The following FAM228B variants were observed in gnomAD, a reference collection of about 807,000 sequenced individuals.
FAM228B encodes the protein protein FAM228B.
A neutral mutation model predicts 42.6 loss-of-function variants in FAM228B; 38 were observed. That is an observed-to-expected ratio of 0.89 (90% CI 0.69 to 1.17). The LOEUF (loss-of-function observed/expected upper bound fraction) is 1.17, where lower values mean the gene tolerates loss of function less well. FAM228B is among the 50% of genes most tolerant of loss of function. The pLI is 0.00. For synonymous variants in FAM228B, 109 were observed against 122.3 expected (o/e 0.89, Z 0.72); for missense variants, 344 against 367.3 (o/e 0.94, Z 0.52).
chr2:24,164,098 C>A, intron 8 of FAM228B, 100 bp from the exon 9 acceptor site: 2 of 1,087,778 alleles, frequency 1.8e-6, no homozygotes, highest in East Asian at 3.0e-5. Context: ...TACACAAATT[C>A]ACATAGAACT....
intron 3 of FAM228B, among the ~76,000 whole-genome samples, chr2:24,136,465 C>G (rs1057176117): frequency 7.2e-5 from 11 of 152,210 alleles, no homozygotes; most frequent in Non-Finnish European, 1.2e-4. Flanking sequence ...TTCAAGTGAT[C>G]TGCCCACCTC....
At chr2:24,159,012 C>T (rs1166434359) in intron 7 of FAM228B, among the ~76,000 whole-genome samples, 1 of 152,130 alleles carries the variant, frequency 6.6e-6, no homozygotes, top group Non-Finnish European at 1.5e-5. Context: ...CTTGGTGTTC[C>T]TCGGTTTATA....
Position 24,131,219 on chromosome 2 carries a change from T to C in FAM228B, c.100-3900T>C, listed in dbSNP as rs558787685. ...TTTTGGTACCAGTACCATGCTGTTGTGATTACTGTAGCCTTGTAGTATAGT... is the reference window on the plus strand; with the variant it reads ...TTTTGGTACCAGTACCATGCTGTTGCGATTACTGTAGCCTTGTAGTATAGT... On this transcript the variant is annotated intron_variant, in intron 2 of 10. Coordinates refer to ENST00000615575, the MANE Select transcript of FAM228B (RefSeq NM_001145710.2). Among the ~76,000 whole-genome samples the C allele has an allele frequency of 2.2e-3, 337 of 152,348 alleles. 3 individuals are homozygous for C. The highest frequency in any genetic ancestry group is 2.9e-3 in the Non-Finnish European group (197 of 68,034).
chr2:24,102,818 TCTGTGA>T (rs1665631763), intron 3 of FAM228B, among the ~76,000 whole-genome samples: 1 of 152,222 alleles, frequency 6.6e-6, no homozygotes, highest in Non-Finnish European at 1.5e-5. Flanking sequence ...ATGGAAAACA[TCTGTGA>T]CATTCTTATT....
At chr2:24,121,695 G>A (rs1184954810), upstream of FAM228B, among the ~76,000 whole-genome samples, 1 of 152,040 alleles carries the variant, frequency 6.6e-6, no homozygotes, top group Non-Finnish European at 1.5e-5. Context: ...ATAGACTGAT[G>A]CCCTCCCTGC....
At chr2:24,115,721 C>G in intron 3 of FAM228B, 1 of 1,193,968 alleles carries the variant, frequency 8.4e-7, no homozygotes. Flanking sequence ...CTGCCATGTG[C>G]TAGGCACTGT....
intron 3 of FAM228B, among the ~76,000 whole-genome samples, chr2:24,117,591 C>T (rs71439115): frequency 0.12 from 18,088 of 151,912 alleles, 1,255 homozygotes; most frequent in South Asian, 0.18. Context: ...TACAGGTACC[C>T]ACCACCACAC....
At position 24,080,603 on chromosome 2, in the gene FAM228B, A is replaced by C. The variant is rs572233551; in HGVS notation, c.-289-273A>C. On this transcript the variant is annotated intron_variant, in intron 1 of 10. Transcript: ENST00000613899. This position sits in a 1 kb window ranked among gnomAD's most constrained non-coding sequence, Gnocchi z 4.7. ...ATGGTCTAAAGTGTGGATGAATCTT[A>C]TCTCTTGCAAGAATGCACATGGAAA... 3.3e-6 allele frequency: 2 copies of C among 606,814 alleles called. No homozygotes were observed. Among genetic ancestry groups the C allele is most frequent in the Non-Finnish European group, 6.0e-6 (2 of 335,732 alleles). 37.6% of individuals were successfully genotyped at this position (606,814 alleles called of 1,614,324 possible).
intron 7 of FAM228B, among the ~76,000 whole-genome samples, chr2:24,150,511 GCCTCC>G (rs1327931562): frequency 2.0e-4 from 31 of 152,054 alleles, no homozygotes; most frequent in African/African-American, 7.0e-4. Context: ...TGCAACCTCT[GCCTCC>G]CAGGTTCCAG....
At chr2:24,142,760 C>G (rs1004941260) in intron 5 of FAM228B, 9 of 152,152 alleles carry the variant, frequency 5.9e-5, no homozygotes, top group African/African-American at 2.2e-4. Flanking sequence ...AGCTTTCAAG[C>G]AAAACATTTG....
At chr2:24,136,504 G>A (rs138344974) in intron 3 of FAM228B, among the ~76,000 whole-genome samples, 106 of 152,274 alleles carry the variant, frequency 7.0e-4, no homozygotes, top group East Asian at 3.5e-3. Flanking sequence ...GATTACAGGC[G>A]TGGGATTGCC....
Position 24,084,151 on chromosome 2 carries a change from G to T in FAM228B, c.-210+3196G>T. On this transcript the variant is annotated intron_variant, in intron 2 of 10. Coordinates refer to the FAM228B transcript ENST00000613899. The surrounding 1 kb of genome is among the most constrained non-coding windows in gnomAD (Gnocchi z 8.4). ...GAGTGCTGTTGAGAGGGAGGCTCTGGAGTCCCGCCCGCCCCGGCGCGGCTG... is the reference window on the plus strand; with the variant it reads ...GAGTGCTGTTGAGAGGGAGGCTCTGTAGTCCCGCCCGCCCCGGCGCGGCTG... 6.3e-7 allele frequency: 1 copy of T among 1,583,670 alleles called. No individual in the cohort carries two copies.
chr2:24,113,589 A>T (rs762766307), intron 3 of FAM228B, among the ~76,000 whole-genome samples: 4 of 152,020 alleles, frequency 2.6e-5, no homozygotes, highest in Non-Finnish European at 5.9e-5. Context: ...ATAAAAACAA[A>T]AAACAGGCCG....
chr2:24,097,219 A>G (rs1167540535), intron 3 of FAM228B: 1 of 152,186 alleles, frequency 6.6e-6, no homozygotes, highest in African/African-American at 2.4e-5. Context: ...TGCATGAATT[A>G]ACGGGCAAAA....
chr2:24,123,321 G>T (rs560237483), upstream of FAM228B: 1 of 152,352 alleles, frequency 6.6e-6, no homozygotes, highest in East Asian at 1.9e-4. Flanking sequence ...CGGGTGGGTG[G>T]CGGCGGCAGG....
At chr2:24,105,178 C>T (rs1469585817) in intron 3 of FAM228B, among the ~76,000 whole-genome samples, 1 of 152,250 alleles carries the variant, frequency 6.6e-6, no homozygotes, top group East Asian at 1.9e-4. Flanking sequence ...GCAGGGACAA[C>T]CTCGTGTTTC....
Position 24,077,405 on chromosome 2 carries a change from C to T in FAM228B, c.-290+436C>T, listed in dbSNP as rs1664796483. 1 of 703,744 alleles carries T rather than the reference C, an allele frequency of 1.4e-6. No homozygotes were observed. The highest frequency in any genetic ancestry group is 3.0e-5 in the East Asian group (1 of 33,426). The allele number at this position is 703,744 out of a possible 1,614,324, so 43.6% of individuals were successfully genotyped here. The stretch of plus-strand genomic sequence containing the variant: ...GTCCGGACTCCCACCTCAACCCCGC[C>T]GCGGCGGCCCCAGTCCGCGTGCCAC... On this transcript the variant is annotated intron_variant, in intron 1 of 10. Coordinates refer to the FAM228B transcript ENST00000613899. The surrounding 1 kb of genome is among the most constrained non-coding windows in gnomAD (Gnocchi z 5.5).
intron 2 of FAM228B, among the ~76,000 whole-genome samples, chr2:24,125,695 G>A (rs1020064491): frequency 1.3e-5 from 2 of 152,084 alleles, no homozygotes; most frequent in Admixed American, 1.3e-4. Flanking sequence ...TGAGTAGCTA[G>A]GATTACAGGC....
At chr2:24,115,528 G>T in intron 3 of FAM228B, 2 of 1,485,640 alleles carry the variant, frequency 1.3e-6, no homozygotes, top group Non-Finnish European at 1.9e-6. Flanking sequence ...TTTTCTTTAG[G>T]CTCTTCAATT....
Sources: allele counts gnomAD v4.1 joint callset (sites outside exome capture counted in the v4.1 genomes callset), GRCh38; gene constraint gnomAD v4.1.1; non-coding constraint Gnocchi (gnomAD v3.1); transcripts MANE v1.5; gene names NCBI Gene and HGNC (gene_info 2026-07-23, HGNC 2026-07-21).